POLR2H: variants seen among roughly 807,000 people sequenced by gnomAD.
POLR2H encodes the protein RNA polymerase II, I and III subunit H.
Under a neutral mutation model 18.1 loss-of-function variants are expected in POLR2H, and 3 were observed. The observed-to-expected ratio is 0.17, with a 90% CI of 0.08 to 0.43. POLR2H has a LOEUF of 0.43. Among genes scored for constraint, POLR2H ranks in the 20% least tolerant of loss-of-function variants. POLR2H has a pLI of 0.99. For missense variants in POLR2H, 103 were observed against 184.6 expected, an observed-to-expected ratio of 0.56 and a Z score of 2.56; for synonymous variants, 76 against 69.0, an observed-to-expected ratio of 1.10 and a Z score of -0.50.
intron 4 of POLR2H, among the ~76,000 whole-genome samples, chr3:184,366,070 G>A (rs997414106): frequency 6.6e-6 from 1 of 152,136 alleles, no homozygotes; most frequent in African/African-American, 2.4e-5. Flanking sequence ...TGAAGGCTGA[G>A]GAGGTAACTG....
chr3:184,368,044 C>G, intron 5 of POLR2H, 133 bp from the exon 6 acceptor site: 2 of 1,265,360 alleles, frequency 1.6e-6, no homozygotes, highest in Non-Finnish European at 2.3e-6. Context: ...CATACCTGTG[C>G]ATTGATCTTT....
rs756716040 is a variant in POLR2H, at chr3:184,365,200, C to T, written c.225C>T (p.Tyr75=). The T allele has an allele frequency of 1.9e-6, 3 of 1,611,968 alleles. No homozygotes were observed. Among genetic ancestry groups the T allele is most frequent in the East Asian group, 4.5e-5 (2 of 44,878 alleles). ...ATGGTACCCTGGATGATGGTGAATA[C>T]AACCCCACTGATGATAGGCCTTCCA... ...YEDGTLDDGE[Y]NPTDDRPSRA... Residue 75 remains tyrosine (Y), a synonymous_variant, in exon 4 of 6, where the codon TAC becomes TAT. Transcript: ENST00000456318.
Position 184,362,670 on chromosome 3 carries a change from A to G in POLR2H, c.-620-203A>G, listed in dbSNP as rs1712371099. ...GCCAGGCTGAAGGGGCACGGAGGGG[A>G]TCCGTGTCCAGGAGAAGGCAGTGGA... On this transcript the variant is annotated intron_variant, in intron 1 of 5. Coordinates refer to ENST00000456318, the MANE Select transcript of POLR2H (RefSeq NM_006232.5). The surrounding 1 kb of genome is among the most constrained non-coding windows in gnomAD (Gnocchi z 5.9). 1 of 146,376 alleles carries G rather than the reference A, an allele frequency of 6.8e-6. No homozygotes were observed. The highest frequency in any genetic ancestry group is 2.6e-5 in the African/African-American group (1 of 38,720). 9.1% of individuals were successfully genotyped at this position (146,376 alleles called of 1,614,324 possible).
intron 4 of POLR2H, among the ~76,000 whole-genome samples, chr3:184,365,702 G>C (rs1003508181): frequency 1.3e-4 from 20 of 150,154 alleles, no homozygotes; most frequent in Non-Finnish European, 8.9e-5. Context: ...GGCCGGGCGC[G>C]GTGGCTCACG....
intron 4 of POLR2H, 102 bp from the exon 5 acceptor site, chr3:184,366,615 G>A: frequency 1.4e-6 from 1 of 689,714 alleles, no homozygotes; most frequent in East Asian, 2.9e-5. Context: ...TGGGGTTACA[G>A]GCTTGAGCCA....
intron 4 of POLR2H, among the ~76,000 whole-genome samples, chr3:184,365,989 AAAAG>A (rs1206613272): frequency 2.0e-5 from 3 of 151,972 alleles, no homozygotes; most frequent in Admixed American, 6.6e-5. Context: ...AAAAAAAAAA[AAAAG>A]AAAAAAATTC....
chr3:184,365,922 G>A (rs1199438303), intron 4 of POLR2H, among the ~76,000 whole-genome samples: 1 of 146,626 alleles, frequency 6.8e-6, no homozygotes, highest in Admixed American at 6.8e-5. Flanking sequence ...CTTGCAGTGA[G>A]CCGAGATCCC....
chr3:184,364,131 A>G (rs7615189), intron 2 of POLR2H, among the ~76,000 whole-genome samples: 1 of 152,268 alleles, frequency 6.6e-6, no homozygotes, highest in Admixed American at 6.5e-5. Flanking sequence ...CCAAGGCTTC[A>G]CAGCGAGTAA....
intron 4 of POLR2H, 77 bp from the exon 5 acceptor site, chr3:184,366,640 C>A: frequency 1.1e-6 from 1 of 901,296 alleles, no homozygotes; most frequent in Non-Finnish European, 1.8e-6. Context: ...GCCCGGCTGA[C>A]CAGTAACCAT....
At chr3:184,363,680 A>G in intron 2 of POLR2H, 115 bp downstream of exon 2, 2 of 719,040 alleles carry the variant, frequency 2.8e-6, no homozygotes, top group Non-Finnish European at 4.9e-6. Flanking sequence ...GTCCTGGTGT[A>G]GGGACCTCCC....
chr3:184,364,783 A>G, intron 2 of POLR2H, 183 bp from the exon 3 acceptor site: 1 of 584,132 alleles, frequency 1.7e-6, no homozygotes, highest in Non-Finnish European at 3.0e-6. Context: ...TTCGCTTGCC[A>G]CAGTTTTTCT....
At chr3:184,368,059 G>C in intron 5 of POLR2H, 118 bp from the exon 6 acceptor site, 3 of 1,475,612 alleles carry the variant, frequency 2.0e-6, no homozygotes, top group Non-Finnish European at 2.8e-6. Flanking sequence ...ATCTTTGTCA[G>C]AATTTTGGTT....
At chr3:184,368,028 C>A in intron 5 of POLR2H, 149 bp from the exon 6 acceptor site, 1 of 1,104,932 alleles carries the variant, frequency 9.1e-7, no homozygotes, top group East Asian at 2.8e-5. Context: ...GGAACAGTGC[C>A]TTGCACATAC....
intron 4 of POLR2H, among the ~76,000 whole-genome samples, chr3:184,366,252 G>C (rs1048447377): frequency 6.6e-6 from 1 of 151,886 alleles, no homozygotes; most frequent in South Asian, 2.1e-4. Flanking sequence ...GTCATGCCTA[G>C]CTCATGGGGT....
At position 184,364,975 on chromosome 3, in the gene POLR2H, T is replaced by G; in HGVS notation, c.83T>G (p.Leu28Arg). 3 of 1,609,502 alleles carry G rather than the reference T, an allele frequency of 1.9e-6. No individual in the cohort carries two copies. The highest frequency in any genetic ancestry group is 2.6e-6 in the Non-Finnish European group (3 of 1,175,656). The change falls in exon 3 of 6, where the codon CTG (leucine) becomes CGG (arginine). Residue 28 changes from leucine (L) to arginine (R), a missense_variant. Transcript: ENST00000456318. ...TCCTGCTTCTCCCCAGTGTCTCGAC[T>G]GCATTGTGAGAGTGAATCTTTCAAG... ...EGKKFDRVSR[L>R]HCESESFKMD...
intron 2 of POLR2H, chr3:184,364,752 GGTT>G (rs1712940875): frequency 1.7e-6 from 1 of 572,748 alleles, no homozygotes; most frequent in Admixed American, 3.2e-5. Context: ...GAGTATCTTT[GGTT>G]GTTTTCTGGG....
chr3:184,367,765 C>T (rs1357357726), intron 5 of POLR2H, among the ~76,000 whole-genome samples: 1 of 152,146 alleles, frequency 6.6e-6, no homozygotes, highest in Admixed American at 6.5e-5. Context: ...GCTGGGATTA[C>T]AGGTGTGAGC....
In POLR2H at chr3:184,362,933, G is replaced by A; in HGVS notation, c.-560G>A. 1 of 163,674 alleles carries A rather than the reference G, an allele frequency of 6.1e-6. No homozygotes were observed. Among genetic ancestry groups the A allele is most frequent in the Non-Finnish European group, 1.3e-5 (1 of 75,024 alleles). 10.1% of individuals were successfully genotyped at this position (163,674 alleles called of 1,614,324 possible). A position where few individuals can be genotyped will look rare whatever the true frequency, so the allele number is the denominator to read the frequency against. Reference sequence around the variant, plus strand: ...GGCTCGGGTTACGTCCAGCAGGGCCGAGCCGGCCCAGGCCGGCCCCGGGGT... The same window carrying A: ...GGCTCGGGTTACGTCCAGCAGGGCCAAGCCGGCCCAGGCCGGCCCCGGGGT... On this transcript the variant is annotated 5_prime_UTR_variant, in exon 2 of 6. Coordinates refer to ENST00000456318, the MANE Select transcript of POLR2H (RefSeq NM_006232.5). The surrounding 1 kb of genome is among the most constrained non-coding windows in gnomAD (Gnocchi z 5.9).
At chr3:184,364,405 T>G (rs1049999944) in intron 2 of POLR2H, 2 of 152,254 alleles carry the variant, frequency 1.3e-5, no homozygotes, top group African/African-American at 2.4e-5. Flanking sequence ...ATTTTGTATT[T>G]TTAGTAGAGA....
Sources: allele counts gnomAD v4.1 joint callset (sites outside exome capture counted in the v4.1 genomes callset), GRCh38; gene constraint gnomAD v4.1.1; non-coding constraint Gnocchi (gnomAD v3.1); transcripts MANE v1.5; gene names NCBI Gene and HGNC (gene_info 2026-07-23, HGNC 2026-07-21).